The following RCAN2 variants were observed in gnomAD, a reference collection of about 807,000 sequenced individuals.
The protein encoded by RCAN2 is calcipressin-2.
A neutral mutation model predicts 23.6 loss-of-function variants in RCAN2; 9 were observed. The observed-to-expected ratio is 0.38, with a 90% CI of 0.23 to 0.67. The LOEUF is 0.67. RCAN2 is among the 30% of genes least tolerant of loss of function. RCAN2 has a pLI of 0.51. For missense variants in RCAN2, 273 were observed against 302.3 expected (o/e 0.90, Z 0.72); for synonymous variants, 109 against 115.7 (o/e 0.94, Z 0.37).
At chr6:46,370,634 T>C (rs1163770226) in intron 2 of RCAN2, among the ~76,000 whole-genome samples, 3 of 152,240 alleles carry the variant, frequency 2.0e-5, no homozygotes, top group Non-Finnish European at 4.4e-5. Context: ...CAGGCAGTTA[T>C]ACCTTTCCAC....
At chr6:46,275,491 G>C (rs1767663574) in intron 2 of RCAN2, among the ~76,000 whole-genome samples, 1 of 152,148 alleles carries the variant, frequency 6.6e-6, no homozygotes, top group African/African-American at 2.4e-5. Flanking sequence ...CTCTCAAATA[G>C]AGACCTCCTC....
chr6:46,327,090 T>A (rs56893394), intron 2 of RCAN2, among the ~76,000 whole-genome samples: 4,099 of 152,290 alleles, frequency 0.027, 199 homozygotes, highest in African/African-American at 0.094. Flanking sequence ...TCTGATACTC[T>A]CAAGGATAAA....
rs373990995 is a variant in RCAN2, at chr6:46,384,503, T to C, written c.225+72249A>G. Among the ~76,000 whole-genome samples the C allele has an allele frequency of 4.9e-4, 74 of 152,368 alleles. 2 individuals carry two copies. In the East Asian group the frequency reaches 0.013, roughly 27 times the overall value. On this transcript the variant is annotated intron_variant, in intron 2 of 4. Transcript: ENST00000371374. ...TTGTTTGTATTAGAGAGGACATTCC[T>C]ATTATCCTAAGGCCAATGTAATTTT...
chr6:46,385,604 C>T (rs1167031404), intron 2 of RCAN2, among the ~76,000 whole-genome samples: 1 of 152,066 alleles, frequency 6.6e-6, no homozygotes, highest in Non-Finnish European at 1.5e-5. Context: ...TGCCTGTAAT[C>T]CCAGCACTTT....
intron 2 of RCAN2, among the ~76,000 whole-genome samples, chr6:46,367,753 T>G (rs1358105314): frequency 6.6e-6 from 1 of 152,242 alleles, no homozygotes; most frequent in Non-Finnish European, 1.5e-5. Context: ...GAAAATAAAT[T>G]ACACACATGC....
chr6:46,321,120 A>G lies in RCAN2; in HGVS notation c.226-72224T>C, dbSNP rs1424199700. 2.0e-5 allele frequency among the ~76,000 whole-genome samples: 3 copies of G among 152,182 alleles called. No homozygotes were observed. In the South Asian group the frequency reaches 6.2e-4, roughly 32 times the overall value. On this transcript the variant is annotated intron_variant, in intron 2 of 4. Transcript: ENST00000371374. ...CTAAATTTCTTTAGATCTCTGAATGACATTGAAACAATGACATTTAATAAA... is the reference window on the plus strand; with the variant it reads ...CTAAATTTCTTTAGATCTCTGAATGGCATTGAAACAATGACATTTAATAAA...
At chr6:46,259,217 G>A (rs748883415) in intron 2 of RCAN2, among the ~76,000 whole-genome samples, 4 of 151,952 alleles carry the variant, frequency 2.6e-5, no homozygotes, top group Non-Finnish European at 4.4e-5. Context: ...CACAAAAAAA[G>A]CAACTAAACA....
intron 2 of RCAN2, among the ~76,000 whole-genome samples, chr6:46,342,460 G>A (rs1366130050): frequency 1.3e-5 from 2 of 151,316 alleles, no homozygotes; most frequent in Non-Finnish European, 2.9e-5. Flanking sequence ...GTTGAGGTGA[G>A]AGGATCACTT....
At chr6:46,431,211 A>C (rs924126551) in intron 2 of RCAN2, among the ~76,000 whole-genome samples, 1 of 152,018 alleles carries the variant, frequency 6.6e-6, no homozygotes, top group Admixed American at 6.6e-5. Flanking sequence ...TTAAAAAAAA[A>C]AACTATTTTT....
intron 3 of RCAN2, among the ~76,000 whole-genome samples, chr6:46,248,303 T>G (rs192235656): frequency 3.9e-4 from 60 of 152,326 alleles, no homozygotes; most frequent in Admixed American, 1.1e-3. Flanking sequence ...GTCATATGAT[T>G]TAAGTTTTAA....
At chr6:46,244,273 C>CT (rs907642166) in intron 4 of RCAN2, among the ~76,000 whole-genome samples, 2 of 152,052 alleles carry the variant, frequency 1.3e-5, no homozygotes, top group Non-Finnish European at 2.9e-5. Flanking sequence ...TCGCCAACTG[C>CT]TTTTTTTTCT....
intron 2 of RCAN2, among the ~76,000 whole-genome samples, chr6:46,434,114 T>C (rs1294068780): frequency 6.6e-6 from 1 of 152,268 alleles, no homozygotes; most frequent in Admixed American, 6.5e-5. Flanking sequence ...TTGCCCAGTA[T>C]GCCTGTGTCA....
At chr6:46,355,894 G>A (rs1764816009) in intron 2 of RCAN2, among the ~76,000 whole-genome samples, 1 of 152,232 alleles carries the variant, frequency 6.6e-6, no homozygotes, top group African/African-American at 2.4e-5. Context: ...CCTGGCCTGT[G>A]TGGCTAAGGA....
intron 4 of RCAN2, among the ~76,000 whole-genome samples, chr6:46,224,877 G>A (rs1272781456): frequency 1.3e-5 from 2 of 151,866 alleles, no homozygotes; most frequent in Non-Finnish European, 2.9e-5. Context: ...CCATGTTGGT[G>A]TGCTACACCT....
intron 2 of RCAN2, among the ~76,000 whole-genome samples, chr6:46,287,890 C>A (rs1480233996): frequency 6.6e-6 from 1 of 152,222 alleles, no homozygotes; most frequent in Non-Finnish European, 1.5e-5. Context: ...TCCTACCTCA[C>A]TGGGTTAGTA....
intron 2 of RCAN2, among the ~76,000 whole-genome samples, chr6:46,305,932 T>C (rs1489611782): frequency 1.3e-5 from 2 of 151,996 alleles, no homozygotes; most frequent in African/African-American, 4.8e-5. Context: ...TTTTTTTTTT[T>C]TCATGATTAC....
At chr6:46,458,885 A>ATG (rs775420370) in intron 1 of RCAN2, among the ~76,000 whole-genome samples, 4 of 148,154 alleles carry the variant, frequency 2.7e-5, no homozygotes, top group South Asian at 4.5e-4. Context: ...TTACAGGAAA[A>ATG]CGCGCGCGCA....
Position 46,246,851 on chromosome 6 carries a change from G to A in RCAN2, c.468C>T (p.Leu156=). The part of the protein sequence containing the change: ...LAPPQPAKQF[L]ISPPSSPPVG... The stretch of plus-strand genomic sequence containing the variant: ...CAGGTGGGGAGGAAGGGGGCGAGAT[G>A]AGAAACTGTTTGGCAGGCTGGGGTG... Residue 156 remains leucine, a synonymous_variant, in exon 4 of 5, where the codon CTC becomes CTT. Coordinates refer to ENST00000371374, the MANE Select transcript of RCAN2 (RefSeq NM_001251974.2). The A allele has an allele frequency of 6.2e-7, 1 of 1,612,804 alleles. No individual in the cohort carries two copies. The highest frequency in any genetic ancestry group is 8.5e-7 in the Non-Finnish European group (1 of 1,179,482).
chr6:46,269,611 C>G (rs1004721251), intron 2 of RCAN2, among the ~76,000 whole-genome samples: 1 of 152,210 alleles, frequency 6.6e-6, no homozygotes, highest in African/African-American at 2.4e-5. Flanking sequence ...TAGAATGAAG[C>G]TAGTAAGTAA....
Sources: gnomAD v4.1 joint callset for allele counts (sites outside exome capture counted in the v4.1 genomes callset) on GRCh38, gnomAD v4.1.1 for gene constraint, MANE v1.5 for transcripts, NCBI Gene and HGNC (gene_info 2026-07-23, HGNC 2026-07-21) for gene names.